The following CWC27 variants were observed in gnomAD, a reference collection of about 807,000 sequenced individuals.
The protein encoded by CWC27 is CWC27 spliceosome associated cyclophilin.
A neutral mutation model predicts 63.6 loss-of-function variants in CWC27; 47 were observed. That is an observed-to-expected ratio of 0.74 (90% CI 0.58 to 0.94). The LOEUF (loss-of-function observed/expected upper bound fraction) is 0.94. Ranked by LOEUF, CWC27 falls within the 40% of genes least tolerant of loss-of-function variation. The pLI is 0.00. For missense variants in CWC27, 495 were observed against 554.3 expected, an observed-to-expected ratio of 0.89 and a Z score of 1.07; for synonymous variants, 175 against 179.8, an observed-to-expected ratio of 0.97 and a Z score of 0.22.
chr5:64,863,599 A>C (rs571920072), intron 10 of CWC27, among the ~76,000 whole-genome samples: 2 of 152,010 alleles, frequency 1.3e-5, no homozygotes, highest in African/African-American at 4.8e-5. Flanking sequence ...GGCTCAAGTG[A>C]TCCTTCCACG....
intron 11 of CWC27, among the ~76,000 whole-genome samples, chr5:64,906,445 T>C (rs113625922): frequency 0.017 from 2,546 of 152,364 alleles, 68 homozygotes; most frequent in African/African-American, 0.059. Context: ...TTTTCACGTG[T>C]CTGTTGGCTG....
At position 64,912,073 on chromosome 5, in the gene CWC27, CAAAA is replaced by C. The variant is rs1253684440; in HGVS notation, c.1042+26542_1042+26545del. The stretch of plus-strand genomic sequence containing the variant: ...TAGGCAACAGAGCGAGACTCTGTCT[CAAAA>C]AAAAAAAAAAAAAAGAAAGAAAGAA... On this transcript the variant is annotated intron_variant, in intron 11 of 13. Coordinates refer to ENST00000381070, the MANE Select transcript of CWC27 (RefSeq NM_005869.4). Among the ~76,000 whole-genome samples the C allele has an allele frequency of 1.9e-4, 16 of 83,510 alleles. 2 individuals are homozygous for C. Among genetic ancestry groups the C allele is most frequent in the Admixed American group, 4.9e-4 (4 of 8,144 alleles). The allele number at this position is 83,510 out of a possible 152,430, so 54.8% of individuals were successfully genotyped here. A position where few individuals can be genotyped will look rare whatever the true frequency, so the allele number is the denominator to read the frequency against.
At chr5:64,965,433 T>C (rs1049131762) in intron 11 of CWC27, among the ~76,000 whole-genome samples, 4 of 152,226 alleles carry the variant, frequency 2.6e-5, no homozygotes, top group East Asian at 1.9e-4. Flanking sequence ...GAGTTAGCAA[T>C]TGAGGCATAG....
At chr5:64,859,061 T>C (rs953339736) in intron 10 of CWC27, among the ~76,000 whole-genome samples, 1 of 152,254 alleles carries the variant, frequency 6.6e-6, no homozygotes, top group Non-Finnish European at 1.5e-5. Flanking sequence ...GAAATGTTTA[T>C]GGAGTACTAG....
intron 11 of CWC27, among the ~76,000 whole-genome samples, chr5:64,943,048 T>A (rs1210845272): frequency 1.3e-5 from 2 of 152,096 alleles, no homozygotes; most frequent in African/African-American, 2.4e-5. Flanking sequence ...AAAGCAGACA[T>A]TGAAAGTCTT....
At position 64,838,797 on chromosome 5, in the gene CWC27, G is replaced by T. The variant is rs1224689513; in HGVS notation, c.938+34411G>T. Among the ~76,000 whole-genome samples the T allele has an allele frequency of 2.0e-5, 3 of 152,184 alleles. No individual in the cohort carries two copies. In the East Asian group the frequency reaches 5.8e-4, roughly 29 times the overall value. On this transcript the variant is annotated intron_variant, in intron 10 of 13. Transcript: ENST00000381070. ...ATTTTATGTTAGAGAAAAGGACAGA[G>T]AAGTATGGCAAACAAAATTCACCAA...
In CWC27 at chr5:64,844,169, G is replaced by A. The variant is rs537552574; in HGVS notation, c.938+39783G>A. 5.3e-5 allele frequency among the ~76,000 whole-genome samples: 8 copies of A among 152,272 alleles called. No individual in the cohort carries two copies. In the East Asian group the frequency reaches 1.5e-3, roughly 29 times the overall value. The stretch of plus-strand genomic sequence containing the variant: ...ACCCAGAATTTCAACAGGGGGGAAG[G>A]GAATTGGATGCAGTCATCCAGCATA... On this transcript the variant is annotated intron_variant, in intron 10 of 13. Coordinates refer to ENST00000381070, the MANE Select transcript of CWC27 (RefSeq NM_005869.4).
At chr5:64,919,522 A>G (rs909284609) in intron 11 of CWC27, among the ~76,000 whole-genome samples, 4 of 152,176 alleles carry the variant, frequency 2.6e-5, no homozygotes, top group Admixed American at 6.5e-5. Flanking sequence ...CCCCACCTCC[A>G]GCAGTCTCCA....
chr5:64,829,955 C>G (rs1156478841), intron 10 of CWC27, among the ~76,000 whole-genome samples: 1 of 149,506 alleles, frequency 6.7e-6, no homozygotes, highest in Non-Finnish European at 1.5e-5. Flanking sequence ...CATCCATGTC[C>G]CTGCAAAGAA....
At chr5:64,930,840 C>A (rs1019741524) in intron 11 of CWC27, among the ~76,000 whole-genome samples, 1 of 152,150 alleles carries the variant, frequency 6.6e-6, no homozygotes, top group Admixed American at 6.5e-5. Flanking sequence ...CATACAATCA[C>A]TTGTGTGTTC....
intron 11 of CWC27, among the ~76,000 whole-genome samples, chr5:64,899,833 T>C (rs1747461228): frequency 6.6e-6 from 1 of 152,342 alleles, no homozygotes; most frequent in African/African-American, 2.4e-5. Flanking sequence ...ACCCCCTCTC[T>C]GATCCCCTGG....
chr5:64,826,466 T>C lies in CWC27; in HGVS notation c.938+22080T>C, dbSNP rs376623974. Among the ~76,000 whole-genome samples, 16 of 152,304 alleles carry C rather than the reference T, an allele frequency of 1.1e-4. No individual in the cohort carries two copies. The East Asian group carries it at 1.4e-3, about 13-fold the overall frequency. ...GTACACTTGAAAAGAATGTGTATTCTGCTGTGGTTGTTTGGAATGTCCTCT... is the reference window on the plus strand; with the variant it reads ...GTACACTTGAAAAGAATGTGTATTCCGCTGTGGTTGTTTGGAATGTCCTCT... On this transcript the variant is annotated intron_variant, in intron 10 of 13. Coordinates refer to ENST00000381070, the MANE Select transcript of CWC27 (RefSeq NM_005869.4).
chr5:64,849,223 T>C (rs972420924), intron 10 of CWC27, among the ~76,000 whole-genome samples: 1 of 120,454 alleles, frequency 8.3e-6, no homozygotes, highest in Non-Finnish European at 1.7e-5. Flanking sequence ...CTATTTCCAA[T>C]AGCTACCAAA....
At chr5:64,934,762 CTGT>C (rs1748310321) in intron 11 of CWC27, among the ~76,000 whole-genome samples, 2 of 152,222 alleles carry the variant, frequency 1.3e-5, no homozygotes, top group African/African-American at 4.8e-5. Context: ...TCTCCAGCAT[CTGT>C]TGTTTCCTGA....
chr5:64,773,329 A>G (rs966807339), intron 1 of CWC27, among the ~76,000 whole-genome samples: 1 of 152,220 alleles, frequency 6.6e-6, no homozygotes, highest in South Asian at 2.1e-4. Context: ...TGAAAGCAAC[A>G]TTATGCTAAG....
chr5:64,790,390 GTTTA>G (rs1744034155), intron 7 of CWC27, among the ~76,000 whole-genome samples: 1 of 152,102 alleles, frequency 6.6e-6, no homozygotes, highest in South Asian at 2.1e-4. Context: ...GTCTTGCATT[GTTTA>G]TGATTCAAAT....
chr5:64,847,757 CACA>C (rs758302095), intron 10 of CWC27, among the ~76,000 whole-genome samples: 1 of 151,834 alleles, frequency 6.6e-6, no homozygotes, highest in Non-Finnish European at 1.5e-5. Context: ...ATGGAAATTG[CACA>C]ACATGTTTCT....
chr5:64,902,584 A>G (rs1747533301), intron 11 of CWC27, among the ~76,000 whole-genome samples: 1 of 152,094 alleles, frequency 6.6e-6, no homozygotes, highest in Non-Finnish European at 1.5e-5. Flanking sequence ...TGTCCCATTC[A>G]TCTATTTATC....
chr5:64,982,920 G>A (rs910864827), intron 13 of CWC27, among the ~76,000 whole-genome samples: 5 of 152,144 alleles, frequency 3.3e-5, no homozygotes, highest in African/African-American at 4.8e-5. Context: ...TCACATCAAC[G>A]GCGGCATTAG....
Sources: allele counts gnomAD v4.1 joint callset (sites outside exome capture counted in the v4.1 genomes callset), GRCh38; gene constraint gnomAD v4.1.1; transcripts MANE v1.5; gene names NCBI Gene and HGNC (gene_info 2026-07-23, HGNC 2026-07-21).